Variants in MROH2B observed in about 807,000 individuals in gnomAD.
The protein encoded by MROH2B is maestro heat like repeat family member 2B, also known as maestro heat-like repeat-containing protein family member 2B.
In MROH2B, 177 loss-of-function variants were observed where a neutral mutation model predicts 208.6. The ratio of observed to expected loss-of-function variants is 0.85; its 90% CI spans 0.75 to 0.96. MROH2B has a LOEUF of 0.96. Ranked by LOEUF, MROH2B falls within the 40% of genes least tolerant of loss-of-function variation. The pLI, the probability that MROH2B is intolerant of heterozygous loss-of-function variation, is 0.00. For synonymous variants in MROH2B, 728 were observed against 659.0 expected (o/e 1.10, Z -1.60); for missense variants, 2,002 against 1,878.7 (o/e 1.07, Z -1.21).
chr5:41,034,283 C>A (rs563300682), intron 21 of MROH2B, among the ~76,000 whole-genome samples: 1 of 152,220 alleles, frequency 6.6e-6, no homozygotes, highest in South Asian at 2.1e-4. Flanking sequence ...TCTGCTATAA[C>A]ATTTGTGTTG....
Position 41,005,596 on chromosome 5 carries a change from G to A in MROH2B, c.3799C>T (p.Leu1267=). ...HGVILDIMEQ[L]LSSLTSSSEN... Reference sequence around the variant, plus strand: ...GAGGAGGAGGTAAGAGATGAGAGCAGCTGTTCCATGATGTCCAGTATGACT... The same window carrying A: ...GAGGAGGAGGTAAGAGATGAGAGCAACTGTTCCATGATGTCCAGTATGACT... Residue 1267 remains leucine, a synonymous_variant, in exon 35 of 42, where the codon CTG becomes TTG. Coordinates refer to ENST00000399564, the MANE Select transcript of MROH2B (RefSeq NM_173489.5). 1 of 1,612,166 alleles carries A rather than the reference G, an allele frequency of 6.2e-7. No homozygotes were observed. Among genetic ancestry groups the A allele is most frequent in the East Asian group, 2.2e-5 (1 of 44,846 alleles).
At position 41,044,365 on chromosome 5, in the gene MROH2B, T is replaced by C. The variant is rs544303936; in HGVS notation, c.1836+1381A>G. Among the ~76,000 whole-genome samples, 37 of 152,242 alleles carry C rather than the reference T, an allele frequency of 2.4e-4. No individual in the cohort carries two copies. The South Asian group carries it at 7.5e-3, about 31-fold the overall frequency. Reference sequence around the variant, plus strand: ...CAGCCCAAAGTGTCAAAGTATAAAATTGTGACCTAAATAGGTGGCTGTTAT... The same window carrying C: ...CAGCCCAAAGTGTCAAAGTATAAAACTGTGACCTAAATAGGTGGCTGTTAT... On this transcript the variant is annotated intron_variant, in intron 18 of 41. Coordinates refer to ENST00000399564, the MANE Select transcript of MROH2B (RefSeq NM_173489.5).
intron 21 of MROH2B, among the ~76,000 whole-genome samples, chr5:41,035,997 A>T (rs959111651): frequency 4.6e-5 from 7 of 152,126 alleles, no homozygotes; most frequent in Admixed American, 3.9e-4. Context: ...GGAATATATT[A>T]AAAAAATGGA....
At chr5:41,037,034 C>G (rs991037473) in intron 21 of MROH2B, among the ~76,000 whole-genome samples, 4 of 152,108 alleles carry the variant, frequency 2.6e-5, no homozygotes, top group African/African-American at 9.7e-5. Context: ...TTTCTTTCCT[C>G]TTTTATTTAT....
At chr5:41,049,504 G>A in intron 13 of MROH2B, 68 bp from the exon 14 acceptor site, 3 of 1,508,856 alleles carry the variant, frequency 2.0e-6, no homozygotes, top group Non-Finnish European at 2.7e-6. Context: ...GGTCCTCACT[G>A]CATGTTTTTC....
rs1402337721 is a variant in MROH2B at position 41,058,147 on chromosome 5, T to G, written c.672A>C (p.Glu224Asp). 1.0e-5 allele frequency: 16 copies of G among 1,607,098 alleles called. No individual in the cohort carries two copies. Among genetic ancestry groups the G allele is most frequent in the Non-Finnish European group, 1.4e-5 (16 of 1,176,534 alleles). ...GPTVSLLLHR[E>D]DFRGYALGQV... ...GGCCCAGGGCGTATCCACGGAAGTCTTCCCGATGCAGCAGCAAGCTCACCG... is the reference window on the plus strand; with the variant it reads ...GGCCCAGGGCGTATCCACGGAAGTCGTCCCGATGCAGCAGCAAGCTCACCG... Residue 224 changes from glutamate (E) to aspartate (D), a missense_variant, in exon 7 of 42, where the codon GAA becomes GAC. Transcript: ENST00000399564.
chr5:41,044,764 T>C (rs539261746), intron 18 of MROH2B, among the ~76,000 whole-genome samples: 1 of 152,280 alleles, frequency 6.6e-6, no homozygotes, highest in South Asian at 2.1e-4. Context: ...AATGATTACT[T>C]TGTGGAAAGA....
At chr5:41,003,509 T>A (rs1405058471) in intron 37 of MROH2B, among the ~76,000 whole-genome samples, 1 of 152,178 alleles carries the variant, frequency 6.6e-6, no homozygotes, top group Admixed American at 6.5e-5. Flanking sequence ...AGAGGTAATA[T>A]ATCCTTAGAT....
chr5:41,050,216 C>G (rs771317766), intron 13 of MROH2B, among the ~76,000 whole-genome samples: 1 of 152,156 alleles, frequency 6.6e-6, no homozygotes, highest in Non-Finnish European at 1.5e-5. Context: ...ATGTTTAGCT[C>G]TTGCTTAAAA....
intron 20 of MROH2B, 28 bp from the exon 21 acceptor site, chr5:41,038,916 A>G: frequency 6.3e-7 from 1 of 1,581,612 alleles, no homozygotes. Flanking sequence ...GAGACATGAA[A>G]AATGTGACTG....
intron 38 of MROH2B, 51 bp downstream of exon 38, chr5:41,000,627 T>G (rs1283595962): frequency 1.3e-6 from 2 of 1,559,026 alleles, no homozygotes; most frequent in Non-Finnish European, 8.7e-7. Context: ...TATTGGTACT[T>G]CTCAGCCATG....
In MROH2B at chr5:41,000,763, C is replaced by T. The variant is rs200938525; in HGVS notation, c.4265G>A (p.Trp1422Ter). 85 of 1,611,140 alleles carry T rather than the reference C, an allele frequency of 5.3e-5. No individual in the cohort carries two copies. The African/African-American group carries it at 1.0e-3, about 19-fold the overall frequency. The stretch of plus-strand genomic sequence containing the variant: ...TATTTCTTCAGCAAAAAAAATCTTC[C>T]ACCTTCTTCCTGTTAGGGGTGCCAG... ...EDLAPLTGRR[W>*]KIFFAEEIKK... Residue 1422 changes from tryptophan to a stop codon, truncating the protein, a stop_gained, in exon 38 of 42, where the codon TGG (tryptophan) becomes TAG (stop). Transcript: ENST00000399564. LOFTEE classifies it high-confidence loss of function.
intron 6 of MROH2B, 46 bp downstream of exon 6, chr5:41,061,524 C>A: frequency 7.1e-7 from 1 of 1,416,466 alleles, no homozygotes; most frequent in Non-Finnish European, 9.3e-7. Flanking sequence ...AAATTTCAAC[C>A]AGCATATAGG....
At position 41,039,475 on chromosome 5, in the gene MROH2B, C is replaced by T; in HGVS notation, c.2034G>A (p.Gln678=). ...TACATCGATTCATGAAAAACTTTTC[C>T]TGATTTTGGAATGTTTTAAGAACTT... is the stretch of plus-strand genomic sequence containing the variant. ...VLKVLKTFQN[Q]EKFFMNRCKS... is the part of the protein sequence containing the mutation. The change falls in exon 20 of 42, where the codon CAG becomes CAA. Residue 678 remains glutamine, a synonymous_variant. Coordinates refer to ENST00000399564, the MANE Select transcript of MROH2B (RefSeq NM_173489.5). 1.2e-6 allele frequency: 2 copies of T among 1,600,032 alleles called. No individual in the cohort carries two copies. The highest frequency in any genetic ancestry group is 1.7e-6 in the Non-Finnish European group (2 of 1,171,920).
At position 41,064,465 on chromosome 5, in the gene MROH2B, T is replaced by C. The variant is rs1370204074; in HGVS notation, c.460+7A>G. Reference sequence around the variant, plus strand: ...TTAAGCAAAAAGGAAATCATCGGGATACCCACCAATACAGAAAGTCCCCTT... The same window carrying C: ...TTAAGCAAAAAGGAAATCATCGGGACACCCACCAATACAGAAAGTCCCCTT... On this transcript the variant is annotated splice_region_variant and intron_variant, in intron 5 of 41. Transcript: ENST00000399564. 6.2e-7 allele frequency: 1 copy of C among 1,611,292 alleles called. No individual in the cohort carries two copies. Among genetic ancestry groups the C allele is most frequent in the Admixed American group, 1.7e-5 (1 of 59,840 alleles).
intron 13 of MROH2B, among the ~76,000 whole-genome samples, chr5:41,050,668 T>C (rs942673660): frequency 2.6e-5 from 4 of 152,212 alleles, no homozygotes; most frequent in African/African-American, 9.6e-5. Flanking sequence ...AAGTTTGGCA[T>C]TGGTTGCTTT....
At chr5:41,007,485 A>C in intron 33 of MROH2B, 31 bp from the exon 34 acceptor site, 1 of 1,507,978 alleles carries the variant, frequency 6.6e-7, no homozygotes, top group Non-Finnish European at 8.9e-7. Context: ...TACAAAACTA[A>C]GTTGACCCTT....
chr5:41,017,395 C>A (rs1579914429), intron 28 of MROH2B, among the ~76,000 whole-genome samples: 1 of 152,198 alleles, frequency 6.6e-6, no homozygotes, highest in Non-Finnish European at 1.5e-5. Flanking sequence ...GATAATAGTG[C>A]AATTTTCTCT....
chr5:41,019,222 T>C (rs777056663), intron 24 of MROH2B, among the ~76,000 whole-genome samples: 22 of 152,202 alleles, frequency 1.4e-4, no homozygotes, highest in Non-Finnish European at 2.5e-4. Context: ...GCATACTCAA[T>C]ACGCCTCCAT....
Sources: gnomAD v4.1 joint callset for allele counts (sites outside exome capture counted in the v4.1 genomes callset) on GRCh38, gnomAD v4.1.1 for gene constraint, MANE v1.5 for transcripts, NCBI Gene and HGNC (gene_info 2026-07-23, HGNC 2026-07-21) for gene names.